The following STIM2 variants were observed in gnomAD, a reference collection of about 807,000 sequenced individuals.
STIM2 encodes the protein stromal interaction molecule 2.
Under a neutral mutation model 85.8 loss-of-function variants are expected in STIM2, and 31 were observed. That is an observed-to-expected ratio of 0.36 (90% CI 0.27 to 0.49). STIM2 has a LOEUF of 0.49. Ranked by LOEUF, STIM2 falls within the 20% of genes least tolerant of loss-of-function variation. STIM2 has a pLI of 0.98. For synonymous variants in STIM2, 356 were observed against 331.1 expected (o/e 1.08, Z -0.82); for missense variants, 841 against 927.6 (o/e 0.91, Z 1.21).
chr4:26,874,306 C>A (rs1722736434), intron 1 of STIM2: 2 of 370,696 alleles, frequency 5.4e-6, no homozygotes, highest in South Asian at 4.7e-5. Context: ...CTGGAGAGAT[C>A]TCCGGCGCAC....
intron 1 of STIM2, among the ~76,000 whole-genome samples, chr4:26,885,517 G>T (rs576722647): frequency 1.4e-4 from 22 of 151,956 alleles, no homozygotes; most frequent in South Asian, 1.2e-3. Flanking sequence ...TTATTTTTTG[G>T]TATCTGCTAA....
intron 3 of STIM2, among the ~76,000 whole-genome samples, chr4:26,985,339 G>A (rs549842616): frequency 1.3e-5 from 2 of 152,232 alleles, no homozygotes; most frequent in East Asian, 3.9e-4. Context: ...GTTTTCCTGT[G>A]ATAAATTATG....
chr4:26,933,322 T>G (rs1286655449), intron 2 of STIM2, among the ~76,000 whole-genome samples: 2 of 152,142 alleles, frequency 1.3e-5, no homozygotes, highest in Non-Finnish European at 2.9e-5. Context: ...TATTATATGT[T>G]GAAGAAAATT....
intron 11 of STIM2, chr4:27,021,129 A>C (rs1420984617): frequency 4.2e-6 from 6 of 1,412,596 alleles, no homozygotes; most frequent in Non-Finnish European, 5.8e-6. Flanking sequence ...TCATTCACCC[A>C]CCCTTCCATT....
intron 2 of STIM2, among the ~76,000 whole-genome samples, chr4:26,923,243 G>C (rs1724876580): frequency 6.6e-6 from 1 of 151,232 alleles, no homozygotes. Context: ...CATCATCAAA[G>C]ACCAAAAGTA....
At position 27,003,090 on chromosome 4, in the gene STIM2, C is replaced by G; in HGVS notation, c.967C>G (p.Gln323Glu). Residue 323 changes from glutamine (Q) to glutamate (E), a missense_variant, in exon 7 of 12, where the codon CAG (glutamine) becomes GAG (glutamate). Around this residue, in one of 3 missense-constraint regions of STIM2, gnomAD observed 408 missense variants for 525.4 expected, o/e 0.78. Transcript: ENST00000467087. ...ATTGAGTAGACGTCAGTATGCAGAA[C>G]AGGAATTGGAACAGGTATTTACATT... 6.3e-7 allele frequency: 1 copy of G among 1,577,132 alleles called. No individual in the cohort carries two copies.
chr4:26,962,691 G>C (rs1726528425), intron 3 of STIM2, among the ~76,000 whole-genome samples: 1 of 151,956 alleles, frequency 6.6e-6, no homozygotes, highest in African/African-American at 2.4e-5. Flanking sequence ...TTAAAAACTA[G>C]TGTTAGATTT....
intron 10 of STIM2, 131 bp from the exon 11 acceptor site, chr4:27,017,580 A>C (rs1404847877): frequency 4.4e-6 from 5 of 1,138,570 alleles, no homozygotes; most frequent in Non-Finnish European, 6.4e-6. Context: ...ATAACTGTAC[A>C]GTAACTTCAG....
intron 2 of STIM2, among the ~76,000 whole-genome samples, chr4:26,946,741 A>C (rs987596130): frequency 2.0e-5 from 3 of 152,256 alleles, no homozygotes; most frequent in Non-Finnish European, 2.9e-5. Context: ...ATGCATAGAC[A>C]TAAAAATATG....
chr4:26,992,031 C>G (rs562658340), intron 3 of STIM2, among the ~76,000 whole-genome samples: 4 of 152,184 alleles, frequency 2.6e-5, no homozygotes, highest in East Asian at 1.9e-4. Flanking sequence ...TATAAAAGAT[C>G]AGTGAGAGGC....
chr4:26,899,681 TTTGAA>T (rs1723845464), intron 1 of STIM2, among the ~76,000 whole-genome samples: 1 of 152,172 alleles, frequency 6.6e-6, no homozygotes, highest in Non-Finnish European at 1.5e-5. Flanking sequence ...TCCTGAGTAG[TTTGAA>T]TTGATCTGTT....
At chr4:26,961,322 AT>A (rs1233680983) in intron 3 of STIM2, among the ~76,000 whole-genome samples, 1 of 152,154 alleles carries the variant, frequency 6.6e-6, no homozygotes, top group Non-Finnish European at 1.5e-5. Context: ...TACACCTTGC[AT>A]CCATTTGATA....
At chr4:26,934,064 C>T (rs147162116) in intron 2 of STIM2, among the ~76,000 whole-genome samples, 2,628 of 152,046 alleles carry the variant, frequency 0.017, 79 homozygotes, top group African/African-American at 0.061. Context: ...CGTGGTGGCA[C>T]GCGCCTGTAA....
chr4:26,905,202 G>T (rs1393792095), intron 1 of STIM2, among the ~76,000 whole-genome samples: 1 of 152,186 alleles, frequency 6.6e-6, no homozygotes, highest in Non-Finnish European at 1.5e-5. Context: ...TAAGGGTTCA[G>T]TTGCAGTCTG....
In STIM2 at chr4:27,024,418, A is replaced by G. The variant is rs564542741; in HGVS notation, c.*1422A>G. 2 of 152,330 alleles carry G rather than the reference A, an allele frequency of 1.3e-5. No individual in the cohort carries two copies. The highest frequency in any genetic ancestry group is 4.8e-5 in the African/African-American group (2 of 41,582). 9.4% of individuals were successfully genotyped at this position (152,330 alleles called of 1,614,324 possible). On this transcript the variant is annotated 3_prime_UTR_variant, in exon 12 of 12. Transcript: ENST00000467087. ...GAACAACTGATACATTTTAGTTAGA[A>G]TGCTTTTTCAGCATTATGGCTAAAA...
chr4:26,936,708 T>C (rs1725404292), intron 2 of STIM2, among the ~76,000 whole-genome samples: 1 of 152,240 alleles, frequency 6.6e-6, no homozygotes, highest in Non-Finnish European at 1.5e-5. Flanking sequence ...TAACTGACTG[T>C]AGTATGAGAT....
chr4:26,868,004 T>C (rs138955534), intron 1 of STIM2, among the ~76,000 whole-genome samples: 2 of 152,364 alleles, frequency 1.3e-5, no homozygotes, highest in Non-Finnish European at 2.9e-5. Context: ...CTTTGGCCCT[T>C]GGTGTGCTAT....
At position 27,019,625 on chromosome 4, in the gene STIM2, C is replaced by T. The variant is rs188325277; in HGVS notation, c.1763+1641C>T. 10 of 501,474 alleles carry T rather than the reference C, an allele frequency of 2.0e-5. No homozygotes were observed. The East Asian group carries it at 7.0e-4, about 35-fold the overall frequency. The allele number at this position is 501,474 out of a possible 1,614,324, so 31.1% of individuals were successfully genotyped here. A position where few individuals can be genotyped will look rare whatever the true frequency, so the allele number is the denominator to read the frequency against. On this transcript the variant is annotated intron_variant, in intron 11 of 11. Transcript: ENST00000467087. ...ACTTTTCTTCCTCTTCATTTTCAGT[C>T]TCTCCTCTATTGAACCACCAGAATC...
intron 3 of STIM2, among the ~76,000 whole-genome samples, chr4:26,970,465 G>C (rs1316035444): frequency 6.6e-6 from 1 of 151,304 alleles, no homozygotes; most frequent in Non-Finnish European, 1.5e-5. Flanking sequence ...TCATTGTTCA[G>C]TTCCCACCTA....
Sources: allele counts gnomAD v4.1 joint callset (sites outside exome capture counted in the v4.1 genomes callset), GRCh38; gene constraint gnomAD v4.1.1; regional missense constraint gnomAD v4.1.1; transcripts MANE v1.5; gene names NCBI Gene and HGNC (gene_info 2026-07-23, HGNC 2026-07-21).